LAMA2: variants seen among roughly 807,000 people sequenced by gnomAD.
The protein encoded by LAMA2 is laminin subunit alpha 2.
In LAMA2, 269 loss-of-function variants were observed where a neutral mutation model predicts 364.8. The observed-to-expected ratio is 0.74, with a 90% CI of 0.67 to 0.82. The LOEUF is 0.82. Ranked by LOEUF, LAMA2 falls within the 40% of genes least tolerant of loss-of-function variation. The probability of loss-of-function intolerance (pLI) is 0.00; values close to 1 mark genes in which losing one functional copy is unlikely to be tolerated. For synonymous variants in LAMA2, 1,379 were observed against 1,370.6 expected (o/e 1.01, Z -0.14); for missense variants, 3,807 against 3,873.2 (o/e 0.98, Z 0.45).
intron 5 of LAMA2, among the ~76,000 whole-genome samples, chr6:129,146,053 C>T (rs941309499): frequency 2.0e-5 from 3 of 151,306 alleles, no homozygotes; most frequent in Non-Finnish European, 4.4e-5. Context: ...ATGTATGTAA[C>T]AAAAACAAAT....
chr6:129,309,922 CG>C (rs78296735), intron 22 of LAMA2, among the ~76,000 whole-genome samples: 14,415 of 130,520 alleles, frequency 0.11, 1,239 homozygotes, highest in East Asian at 0.35. Context: ...TTTTTTGAGA[CG>C]GAGTCTCGCT....
intron 58 of LAMA2, among the ~76,000 whole-genome samples, chr6:129,501,754 C>T (rs1785658317): frequency 2.0e-5 from 3 of 152,192 alleles, no homozygotes. Context: ...ATGTCATAAG[C>T]AGCCTGTATA....
chr6:128,920,720 C>T (rs193122504), intron 1 of LAMA2, among the ~76,000 whole-genome samples: 1,681 of 150,562 alleles, frequency 0.011, 32 homozygotes, highest in African/African-American at 0.039. Context: ...CATATATATG[C>T]ACACATGTAT....
chr6:129,081,309 A>G (rs907519572), intron 3 of LAMA2, among the ~76,000 whole-genome samples: 1 of 152,212 alleles, frequency 6.6e-6, no homozygotes, highest in South Asian at 2.1e-4. Flanking sequence ...GAGTTAATGG[A>G]TGCAGCACAC....
intron 32 of LAMA2, among the ~76,000 whole-genome samples, chr6:129,357,889 T>C (rs1031086128): frequency 6.6e-6 from 1 of 152,020 alleles, no homozygotes; most frequent in Non-Finnish European, 1.5e-5. Context: ...ATCACTGTAA[T>C]GAAAACAGGA....
At chr6:129,444,518 A>G (rs1256464868) in intron 44 of LAMA2, among the ~76,000 whole-genome samples, 2 of 152,346 alleles carry the variant, frequency 1.3e-5, no homozygotes, top group East Asian at 3.8e-4. Flanking sequence ...GGAAGAAAAT[A>G]CTGCACTCAG....
At chr6:128,935,792 C>A (rs1411236023) in intron 1 of LAMA2, among the ~76,000 whole-genome samples, 3 of 152,060 alleles carry the variant, frequency 2.0e-5, no homozygotes, top group Non-Finnish European at 4.4e-5. Context: ...CTTTTTCTTG[C>A]CGAATTGCTC....
At chr6:128,915,045 A>G (rs1373646342) in intron 1 of LAMA2, among the ~76,000 whole-genome samples, 1 of 152,192 alleles carries the variant, frequency 6.6e-6, no homozygotes, top group African/African-American at 2.4e-5. Context: ...CTCTAATTGG[A>G]GCAGCTTGTT....
chr6:129,131,359 TC>T lies in LAMA2; in HGVS notation c.640-12540del, dbSNP rs1777467118. Among the ~76,000 whole-genome samples, 5 of 152,340 alleles carry T rather than the reference TC, an allele frequency of 3.3e-5. No individual in the cohort carries two copies. The South Asian group carries it at 1.0e-3, about 32-fold the overall frequency. On this transcript the variant is annotated intron_variant, in intron 4 of 64. Transcript: ENST00000421865. The stretch of plus-strand genomic sequence containing the variant: ...TTGTAATATTTCTTAATATTAGCTA[TC>T]CTGCATGGACCCGACAGAAAATAAG...
intron 21 of LAMA2, 71 bp downstream of exon 21, chr6:129,297,936 G>T (rs910873369): frequency 5.2e-6 from 7 of 1,337,874 alleles, no homozygotes; most frequent in South Asian, 3.7e-5. Context: ...GTAACAGTTT[G>T]TTCTTTTAAA....
chr6:129,353,380 T>C (rs1170967586), intron 32 of LAMA2, 23 bp downstream of exon 32: 1 of 1,604,062 alleles, frequency 6.2e-7, no homozygotes, highest in East Asian at 2.2e-5. Flanking sequence ...ACTTTGCTGT[T>C]AGTTTTGGAG....
At chr6:129,474,126 G>A (rs1228347152) in intron 52 of LAMA2, among the ~76,000 whole-genome samples, 2 of 151,858 alleles carry the variant, frequency 1.3e-5, no homozygotes, top group African/African-American at 2.4e-5. Flanking sequence ...TTAATTTTTT[G>A]TTTTGTTTAA....
At chr6:129,328,203 G>T in intron 28 of LAMA2, 75 bp from the exon 29 acceptor site, 1 of 1,311,500 alleles carries the variant, frequency 7.6e-7, no homozygotes. Context: ...TGTCTTTGCA[G>T]CCACTGAAGA....
At chr6:129,421,631 C>A (rs775507139) in intron 40 of LAMA2, among the ~76,000 whole-genome samples, 1 of 152,106 alleles carries the variant, frequency 6.6e-6, no homozygotes, top group African/African-American at 2.4e-5. Context: ...TGAGTTGAAA[C>A]GGTGCTTTTC....
intron 41 of LAMA2, among the ~76,000 whole-genome samples, chr6:129,437,905 A>G (rs1255882441): frequency 6.6e-6 from 1 of 151,888 alleles, no homozygotes; most frequent in East Asian, 1.9e-4. Context: ...CTTAGTTACT[A>G]TTACAATATA....
At chr6:129,349,914 A>G (rs116304138) in intron 31 of LAMA2, among the ~76,000 whole-genome samples, 296 of 152,264 alleles carry the variant, frequency 1.9e-3, no homozygotes, top group African/African-American at 6.2e-3. Flanking sequence ...TTCCTTTTCA[A>G]TAGGCAAACA....
chr6:129,205,493 T>TATATATATATATATATAC (rs1343472728), intron 12 of LAMA2, among the ~76,000 whole-genome samples: 47 of 104,252 alleles, frequency 4.5e-4, no homozygotes, highest in African/African-American at 2.4e-3. Flanking sequence ...TATATATATA[T>TATATATATATATATATAC]ACACACACAC....
intron 15 of LAMA2, among the ~76,000 whole-genome samples, chr6:129,262,586 A>G (rs942647076): frequency 2.0e-5 from 3 of 152,204 alleles, no homozygotes; most frequent in Non-Finnish European, 4.4e-5. Flanking sequence ...AACTTAATTG[A>G]ATCAAGAGAC....
intron 58 of LAMA2, among the ~76,000 whole-genome samples, chr6:129,501,408 C>T (rs1477492970): frequency 1.3e-5 from 2 of 152,232 alleles, no homozygotes; most frequent in African/African-American, 4.8e-5. Flanking sequence ...AAGGGAAATA[C>T]TTCCATGAAG....
Sources: allele counts gnomAD v4.1 joint callset (sites outside exome capture counted in the v4.1 genomes callset), GRCh38; gene constraint gnomAD v4.1.1; transcripts MANE v1.5; gene names NCBI Gene and HGNC (gene_info 2026-07-23, HGNC 2026-07-21).